GFRA1: variants seen among roughly 807,000 people sequenced by gnomAD.
GFRA1 encodes the protein GDNF family receptor alpha 1.
In GFRA1, 16 loss-of-function variants were observed where a neutral mutation model predicts 51.6. The ratio of observed to expected loss-of-function variants is 0.31; its 90% confidence interval spans 0.21 to 0.47. The LOEUF is 0.47. GFRA1 is among the 20% of genes least tolerant of loss of function. The probability of loss-of-function intolerance (pLI) is 1.00; values close to 1 mark genes in which losing one functional copy is unlikely to be tolerated. For missense variants in GFRA1, 530 were observed against 594.3 expected, an observed-to-expected ratio of 0.89 and a Z score of 1.13; for synonymous variants, 270 against 241.3, an observed-to-expected ratio of 1.12 and a Z score of -1.10.
intron 5 of GFRA1, among the ~76,000 whole-genome samples, chr10:116,206,386 C>T (rs539968544): frequency 1.3e-5 from 2 of 152,084 alleles, no homozygotes; most frequent in Non-Finnish European, 2.9e-5. Context: ...GTTTGAAATA[C>T]GCAAAAGAGC....
At chr10:116,079,703 A>G (rs770443903) in intron 9 of GFRA1, among the ~76,000 whole-genome samples, 32 of 152,102 alleles carry the variant, frequency 2.1e-4, no homozygotes, top group Non-Finnish European at 1.6e-4. Flanking sequence ...AATTTTGCAG[A>G]CCAAAATGTC....
chr10:116,209,107 G>A (rs1386574571), intron 5 of GFRA1, among the ~76,000 whole-genome samples: 1 of 152,014 alleles, frequency 6.6e-6, no homozygotes, highest in Non-Finnish European at 1.5e-5. Context: ...CACAGCAAGT[G>A]GCATTTACAG....
chr10:116,239,973 C>T (rs191465691), intron 4 of GFRA1, among the ~76,000 whole-genome samples: 41 of 152,168 alleles, frequency 2.7e-4, no homozygotes, highest in Admixed American at 2.4e-3. Context: ...CAACGTGTCC[C>T]TCAGAACTTA....
At position 116,064,036 on chromosome 10, in the gene GFRA1, AAATCATCATCATGATCATGAT is replaced by A; in HGVS notation, c.*341_*361del. Reference sequence around the variant, plus strand: ...GGAAAGGCCAGAAGTAAAACTGTTAAAATCATCATCATGATCATGATGATCATCATCATGATCATGATGATC... The same window carrying A: ...GGAAAGGCCAGAAGTAAAACTGTTAAGATCATCATCATGATCATGATGATC... On this transcript the variant is annotated 3_prime_UTR_variant, in exon 11 of 11. Transcript: ENST00000355422. 6.0e-6 allele frequency: 1 copy of A among 166,520 alleles called. No homozygotes were observed. 10.3% of individuals were successfully genotyped at this position (166,520 alleles called of 1,614,324 possible).
chr10:116,094,890 G>T (rs1211173885), intron 7 of GFRA1, among the ~76,000 whole-genome samples: 1 of 152,190 alleles, frequency 6.6e-6, no homozygotes. Context: ...GGAGGTTAAG[G>T]CCATTGGATA....
chr10:116,271,303 C>CT (rs963103071), intron 2 of GFRA1, among the ~76,000 whole-genome samples, 188 bp from the exon 3 acceptor site: 6 of 152,144 alleles, frequency 3.9e-5, no homozygotes, highest in African/African-American at 1.4e-4. Flanking sequence ...TCCAGCTCCT[C>CT]TCTCCTCCTC....
chr10:116,142,384 A>G (rs1180870972), intron 5 of GFRA1, among the ~76,000 whole-genome samples: 1 of 152,212 alleles, frequency 6.6e-6, no homozygotes, highest in Non-Finnish European at 1.5e-5. Flanking sequence ...TTCAGTTCAC[A>G]GTCCTGAGTT....
rs531813714 is a variant in GFRA1, at chr10:116,085,152, G to A, written c.1197+4589C>T. The stretch of plus-strand genomic sequence containing the variant: ...AGCCTTTCATAGGAACCATGGATGC[G>A]TCCTATATTCACCATATCCATAGCC... On this transcript the variant is annotated intron_variant, in intron 9 of 10. Transcript: ENST00000355422. Among the ~76,000 whole-genome samples, 20 of 152,150 alleles carry A rather than the reference G, an allele frequency of 1.3e-4. No individual in the cohort carries two copies. In the South Asian group the frequency reaches 2.9e-3, roughly 22 times the overall value.
chr10:116,251,270 T>G (rs529049118), intron 4 of GFRA1, among the ~76,000 whole-genome samples: 2 of 152,286 alleles, frequency 1.3e-5, no homozygotes, highest in East Asian at 3.9e-4. Flanking sequence ...CATTTGTTGA[T>G]GGACCGAAGG....
rs183897442 is a variant in GFRA1, at chr10:116,168,869, A to G, written c.433+42762T>C. Among the ~76,000 whole-genome samples, 33 of 152,368 alleles carry G rather than the reference A, an allele frequency of 2.2e-4. No individual in the cohort carries two copies. The East Asian group carries it at 3.7e-3, about 17-fold the overall frequency. On this transcript the variant is annotated intron_variant, in intron 5 of 10. Transcript: ENST00000355422. ...TCGTATCAGATTTTCTTTCAAATAT[A>G]AAACCCACAATGAACTCTGCTATGT...
chr10:116,115,389 G>T (rs954964750), intron 6 of GFRA1, among the ~76,000 whole-genome samples: 1 of 152,052 alleles, frequency 6.6e-6, no homozygotes, highest in African/African-American at 2.4e-5. Flanking sequence ...TGGCAGCATG[G>T]AAGAGGGTCC....
upstream of GFRA1, among the ~76,000 whole-genome samples, chr10:116,273,663 CTCTCTCTG>C (rs1273474982): frequency 7.3e-3 from 616 of 84,420 alleles, 4 homozygotes; most frequent in African/African-American, 0.02. Flanking sequence ...CTCTCTCTCT[CTCTCTCTG>C]TCTCTCTCTC....
rs1397916000 is a variant in GFRA1, at chr10:116,211,683, G to C, written c.419-38C>G. 2.0e-6 allele frequency: 3 copies of C among 1,511,378 alleles called. No homozygotes were observed. In the Admixed American group the frequency reaches 5.9e-5, roughly 30 times the overall value. The allele number at this position is 1,511,378 out of a possible 1,614,324, so 93.6% of individuals were successfully genotyped here. ...AAGAAAAGTAGGGGAGGGGAGAGGGGAGAAAGAGAGGAGAAAAAATATTAA... is the reference window on the plus strand; with the variant it reads ...AAGAAAAGTAGGGGAGGGGAGAGGGCAGAAAGAGAGGAGAAAAAATATTAA... On this transcript the variant is annotated intron_variant, in intron 4 of 10. Coordinates refer to ENST00000355422, the MANE Select transcript of GFRA1 (RefSeq NM_005264.8).
At position 116,096,713 on chromosome 10, in the gene GFRA1, G is replaced by A. The variant is rs759817227; in HGVS notation, c.822C>T (p.Val274=). 1 of 1,612,990 alleles carries A rather than the reference G, an allele frequency of 6.2e-7. No individual in the cohort carries two copies. Among genetic ancestry groups the A allele is most frequent in the African/African-American group, 1.3e-5 (1 of 74,848 alleles). Reference sequence around the variant, plus strand: ...CGTAGTTTTCCTTTAGACAGCTGCTGACAGACCTTGACTCTGGCTGGCAGT... The same window carrying A: ...CGTAGTTTTCCTTTAGACAGCTGCTAACAGACCTTGACTCTGGCTGGCAGT... ...FTNCQPESRS[V]SSCLKENYAD... The change falls in exon 7 of 11, where the codon GTC becomes GTT. Residue 274 remains valine (V), a synonymous_variant. Coordinates refer to ENST00000355422, the MANE Select transcript of GFRA1 (RefSeq NM_005264.8).
intron 6 of GFRA1, among the ~76,000 whole-genome samples, chr10:116,117,515 TGCAG>T (rs1272925258): frequency 1.4e-5 from 1 of 69,208 alleles, no homozygotes; most frequent in Non-Finnish European, 2.9e-5. Context: ...GCACAGTAAG[TGCAG>T]GCCAGATGGA....
At chr10:116,106,232 T>C (rs1443563316) in intron 6 of GFRA1, among the ~76,000 whole-genome samples, 6 of 152,180 alleles carry the variant, frequency 3.9e-5, no homozygotes, top group Non-Finnish European at 7.3e-5. Flanking sequence ...TCTGACCCTA[T>C]AGATCAGTAA....
intron 5 of GFRA1, among the ~76,000 whole-genome samples, chr10:116,190,735 A>G (rs1018764438): frequency 9.9e-5 from 15 of 152,254 alleles, no homozygotes; most frequent in Non-Finnish European, 2.2e-4. Context: ...AAGAGAGACG[A>G]AAGCTAGATC....
chr10:116,117,557 G>GTGGATGGATGGA (rs75233028), intron 6 of GFRA1, among the ~76,000 whole-genome samples: 2,236 of 97,370 alleles, frequency 0.023, 107 homozygotes, highest in African/African-American at 0.087. Flanking sequence ...GGGTGGGTGT[G>GTGGATGGATGGA]TGGATGGATG....
Position 116,065,475 on chromosome 10 carries a change from C to T in GFRA1, c.1251+98G>A, listed in dbSNP as rs1389264819. The T allele has an allele frequency of 7.3e-6, 7 of 964,970 alleles. No homozygotes were observed. In the Admixed American group the frequency reaches 7.5e-5, roughly 10 times the overall value. The allele number at this position is 964,970 out of a possible 1,614,324, so 59.8% of individuals were successfully genotyped here. ...CTTAGATTTCTTGTGGACTGGATAC[C>T]TTCTTGTCTTTGAATGCTTTATATG... On this transcript the variant is annotated intron_variant, in intron 10 of 10. Transcript: ENST00000355422.
Sources: allele counts gnomAD v4.1 joint callset (sites outside exome capture counted in the v4.1 genomes callset), GRCh38; gene constraint gnomAD v4.1.1; transcripts MANE v1.5; gene names NCBI Gene and HGNC (gene_info 2026-07-23, HGNC 2026-07-21).